PTPRM: variants seen among roughly 807,000 people sequenced by gnomAD.
PTPRM encodes protein tyrosine phosphatase receptor type M.
A neutral mutation model predicts 186.7 loss-of-function variants in PTPRM; 47 were observed. The ratio of observed to expected loss-of-function variants is 0.25; its 90% CI spans 0.20 to 0.32. PTPRM has a LOEUF of 0.32. PTPRM is among the 10% of genes least tolerant of loss of function. PTPRM has a pLI of 1.00. For missense variants in PTPRM, 1,494 were observed against 1,865.0 expected (o/e 0.80, Z 3.66); for synonymous variants, 668 against 674.9 (o/e 0.99, Z 0.16).
intron 1 of PTPRM, among the ~76,000 whole-genome samples, chr18:7,714,347 ATCT>A (rs1230918456): frequency 2.0e-5 from 3 of 152,150 alleles, no homozygotes; most frequent in African/African-American, 7.2e-5. Flanking sequence ...GTACCAGAAT[ATCT>A]GGGACACAGC....
At chr18:8,375,271 C>G (rs2095687687) in intron 24 of PTPRM, among the ~76,000 whole-genome samples, 1 of 152,180 alleles carries the variant, frequency 6.6e-6, no homozygotes, top group Non-Finnish European at 1.5e-5. Flanking sequence ...GCAAAAATAT[C>G]TTTCGATTCC....
chr18:7,664,129 C>T (rs1394826961), intron 1 of PTPRM, among the ~76,000 whole-genome samples: 1 of 152,226 alleles, frequency 6.6e-6, no homozygotes, highest in Non-Finnish European at 1.5e-5. Context: ...GATGGGACAG[C>T]CGCAACATCC....
chr18:8,085,821 G>T lies in PTPRM; in HGVS notation c.1702G>T (p.Ala568Ser), dbSNP rs1444422939. 2 of 1,613,334 alleles carry T rather than the reference G, an allele frequency of 1.2e-6. No individual in the cohort carries two copies. The highest frequency in any genetic ancestry group is 2.7e-5 in the African/African-American group (2 of 74,868). ...TYSFTIRAST[A>S]KGFGPPATNQ... is the part of the protein sequence containing the mutation. Reference sequence around the variant, plus strand: ...CTCCTTTACCATCCGAGCTAGCACAGCTAAGGGTTTTGGGCCTCCAGCAAC... The same window carrying T: ...CTCCTTTACCATCCGAGCTAGCACATCTAAGGGTTTTGGGCCTCCAGCAAC... Residue 568 changes from alanine to serine, a missense_variant, in exon 10 of 33, where the codon GCT (alanine) becomes TCT (serine). This residue lies in a region of PTPRM where 1,107 missense variants were observed against 1,350.2 expected (regional missense o/e 0.82). Coordinates refer to ENST00000580170, the MANE Select transcript of PTPRM (RefSeq NM_001105244.2).
intron 7 of PTPRM, among the ~76,000 whole-genome samples, chr18:8,055,365 A>G (rs569028101): frequency 6.6e-6 from 1 of 151,936 alleles, no homozygotes; most frequent in Non-Finnish European, 1.5e-5. Flanking sequence ...CCTCTGATCC[A>G]TGCACTACTT....
At position 8,225,580 on chromosome 18, in the gene PTPRM, G is replaced by T. The variant is rs186203864; in HGVS notation, c.2301-18478G>T. Among the ~76,000 whole-genome samples, 564 of 152,240 alleles carry T rather than the reference G, an allele frequency of 3.7e-3. 1 individual carries two copies. The highest frequency in any genetic ancestry group is 0.013 in the African/African-American group (522 of 41,536). On this transcript the variant is annotated intron_variant, in intron 14 of 32. Transcript: ENST00000580170. ...CCACAAGGGGAGCTCATTGAAGTGGGTCAGCCGTTGCTTCTAGGCTCACAT... is the reference window on the plus strand; with the variant it reads ...CCACAAGGGGAGCTCATTGAAGTGGTTCAGCCGTTGCTTCTAGGCTCACAT...
At chr18:7,661,442 C>CT (rs2038978545) in intron 1 of PTPRM, among the ~76,000 whole-genome samples, 1 of 152,228 alleles carries the variant, frequency 6.6e-6, no homozygotes, top group African/African-American at 2.4e-5. Context: ...TGACTGAATT[C>CT]TCCACAGGGA....
At chr18:8,394,135 C>T (rs1367536005) in intron 31 of PTPRM, among the ~76,000 whole-genome samples, 6 of 152,122 alleles carry the variant, frequency 3.9e-5, no homozygotes, top group Admixed American at 6.5e-5. Flanking sequence ...TTGAACGTAA[C>T]CCGTACTTGT....
chr18:8,106,260 G>C (rs946549948), intron 11 of PTPRM, among the ~76,000 whole-genome samples: 1 of 152,182 alleles, frequency 6.6e-6, no homozygotes, highest in East Asian at 1.9e-4. Flanking sequence ...TGCTGATGAA[G>C]GGTACTCACA....
At chr18:8,146,136 A>C (rs1014368579) in intron 14 of PTPRM, among the ~76,000 whole-genome samples, 16 of 149,046 alleles carry the variant, frequency 1.1e-4, no homozygotes, top group African/African-American at 4.0e-4. Context: ...TCAAGCAATT[A>C]TCCTGCCTCA....
chr18:7,604,801 G>A (rs908121349), intron 1 of PTPRM, among the ~76,000 whole-genome samples: 2 of 152,166 alleles, frequency 1.3e-5, no homozygotes, highest in African/African-American at 4.8e-5. Flanking sequence ...GAAAGAGCAC[G>A]CAGCAGCCAG....
At chr18:7,991,810 A>C (rs1320788598) in intron 7 of PTPRM, among the ~76,000 whole-genome samples, 1 of 152,162 alleles carries the variant, frequency 6.6e-6, no homozygotes, top group African/African-American at 2.4e-5. Context: ...ATAAAGGCCC[A>C]TAAGTTATGG....
intron 7 of PTPRM, among the ~76,000 whole-genome samples, chr18:7,981,943 A>G (rs1408846435): frequency 6.6e-6 from 1 of 152,216 alleles, no homozygotes; most frequent in Non-Finnish European, 1.5e-5. Context: ...GACATCCACC[A>G]TGAATGGAGC....
At chr18:8,037,249 A>G (rs1026262525) in intron 7 of PTPRM, among the ~76,000 whole-genome samples, 5 of 152,198 alleles carry the variant, frequency 3.3e-5, no homozygotes, top group Admixed American at 2.0e-4. Flanking sequence ...TTCATTAGTT[A>G]CAATTAGCAC....
intron 7 of PTPRM, among the ~76,000 whole-genome samples, chr18:7,982,210 A>G (rs2082590467): frequency 6.6e-6 from 1 of 151,764 alleles, no homozygotes; most frequent in Admixed American, 6.6e-5. Context: ...ATACAAACAC[A>G]TTGTACAACT....
rs762405557 is a variant in PTPRM at position 7,949,307 on chromosome 18, A to G, written c.790A>G (p.Thr264Ala). ...DAGKYRCMIR[T>A]EGGVGISNYA... ...TGGAAAGTACCGCTGCATGATTCGCACTGAAGGAGGTGTTGGAATATCAAA... is the reference window on the plus strand; with the variant it reads ...TGGAAAGTACCGCTGCATGATTCGCGCTGAAGGAGGTGTTGGAATATCAAA... Residue 264 changes from threonine to alanine, a missense_variant, in exon 6 of 33, where the codon ACT becomes GCT. Physicochemically the swap from Thr to Ala is moderately conservative, Grantham distance 58 (BLOSUM62 0). Coordinates refer to ENST00000580170, the MANE Select transcript of PTPRM (RefSeq NM_001105244.2). 1.2e-6 allele frequency: 2 copies of G among 1,614,176 alleles called. No individual in the cohort carries two copies. The highest frequency in any genetic ancestry group is 1.7e-6 in the Non-Finnish European group (2 of 1,179,998).
chr18:7,615,259 A>G lies in PTPRM; in HGVS notation c.73+47368A>G, dbSNP rs549234210. On this transcript the variant is annotated intron_variant, in intron 1 of 32. Transcript: ENST00000580170. ...TTCGGGAACTGTAACAGGAAAAAAA[A>G]TCACCCATGATCTTATTATCAGTAA... 1.2e-4 allele frequency among the ~76,000 whole-genome samples: 19 copies of G among 152,360 alleles called. No individual in the cohort carries two copies. In the South Asian group the frequency reaches 3.9e-3, roughly 32 times the overall value.
At chr18:7,587,614 T>C (rs1031520628) in intron 1 of PTPRM, among the ~76,000 whole-genome samples, 2 of 152,140 alleles carry the variant, frequency 1.3e-5, no homozygotes, top group African/African-American at 4.8e-5. Flanking sequence ...TAATTTCACC[T>C]GTTGTTTTTT....
intron 2 of PTPRM, chr18:7,815,100 A>T (rs1056720135): frequency 3.3e-5 from 5 of 152,226 alleles, no homozygotes; most frequent in African/African-American, 1.2e-4. Context: ...AGATCACAGC[A>T]TCAGGACAGT....
chr18:7,784,560 C>T (rs2145127423), intron 2 of PTPRM, among the ~76,000 whole-genome samples: 1 of 152,298 alleles, frequency 6.6e-6, no homozygotes, highest in Admixed American at 6.5e-5. Flanking sequence ...AACTATGGCA[C>T]TAGAAATTAT....
Sources: gnomAD v4.1 joint callset for allele counts (sites outside exome capture counted in the v4.1 genomes callset) on GRCh38, gnomAD v4.1.1 for gene constraint, gnomAD v4.1.1 regional missense constraint, MANE v1.5 for transcripts, NCBI Gene and HGNC (gene_info 2026-07-23, HGNC 2026-07-21) for gene names.